Variants in DIP2A observed in about 807,000 individuals in gnomAD.
DIP2A encodes the protein disco-interacting protein 2 homolog A.
Under a neutral mutation model 177.4 loss-of-function variants are expected in DIP2A, and 85 were observed. The observed-to-expected ratio is 0.48, with a 90% confidence interval of 0.40 to 0.57. DIP2A has a LOEUF of 0.57. Ranked by LOEUF, DIP2A falls within the 20% of genes least tolerant of loss-of-function variation. The pLI is 0.00. For missense variants in DIP2A, 1,791 were observed against 2,100.2 expected, an observed-to-expected ratio of 0.85 and a Z score of 2.88; for synonymous variants, 886 against 881.8, an observed-to-expected ratio of 1.00 and a Z score of -0.08.
At chr21:46,466,145 T>C (rs1467222445) in intron 1 of DIP2A, among the ~76,000 whole-genome samples, 1 of 152,206 alleles carries the variant, frequency 6.6e-6, no homozygotes. Flanking sequence ...AATGAGTATT[T>C]GATATTATAT....
At chr21:46,538,456 GAT>G in intron 15 of DIP2A, 25 bp from the exon 16 acceptor site, 1 of 1,539,460 alleles carries the variant, frequency 6.5e-7, no homozygotes, top group Non-Finnish European at 8.7e-7. Context: ...GTGACGCAGG[GAT>G]GTCTGTGCCA....
chr21:46,571,199 C>A (rs1304452438), downstream of DIP2A, among the ~76,000 whole-genome samples: 2 of 152,182 alleles, frequency 1.3e-5, no homozygotes, highest in African/African-American at 4.8e-5. Flanking sequence ...TTGCACACTC[C>A]TTATAAGAAT....
chr21:46,503,571 T>TCTTCCTTCCTTCCTTCCTTC (rs911345370), intron 5 of DIP2A, among the ~76,000 whole-genome samples: 5 of 83,760 alleles, frequency 6.0e-5, no homozygotes, highest in East Asian at 4.0e-4. Context: ...TGAGGGAATT[T>TCTTCCTTCCTTCCTTCCTTC]CTTCCTTCCT....
intron 2 of DIP2A, among the ~76,000 whole-genome samples, chr21:46,490,147 G>T (rs2056925756): frequency 6.6e-6 from 1 of 152,204 alleles, no homozygotes; most frequent in African/African-American, 2.4e-5. Context: ...GAGGGCTACT[G>T]GTGGACCCCA....
At chr21:46,472,255 C>T (rs1601365686) in intron 1 of DIP2A, among the ~76,000 whole-genome samples, 1 of 152,212 alleles carries the variant, frequency 6.6e-6, no homozygotes, top group East Asian at 1.9e-4. Context: ...AATGAACCCT[C>T]TGGCACCTTG....
intron 8 of DIP2A, among the ~76,000 whole-genome samples, chr21:46,514,467 G>C (rs2058458669): frequency 6.6e-6 from 1 of 151,758 alleles, no homozygotes; most frequent in African/African-American, 2.4e-5. Flanking sequence ...TTTGTATCCA[G>C]TTATCTCACT....
chr21:46,567,660 C>A lies in DIP2A; in HGVS notation c.*38C>A. ...GGCCCAGGTGCCGGAGATGAATGAGCCCCAGCAGTCCAAGGTGTGATGTGG... is the reference window on the plus strand; with the variant it reads ...GGCCCAGGTGCCGGAGATGAATGAGACCCAGCAGTCCAAGGTGTGATGTGG... On this transcript the variant is annotated 3_prime_UTR_variant, in exon 38 of 38. Coordinates refer to ENST00000417564, the MANE Select transcript of DIP2A (RefSeq NM_015151.4). 6.4e-7 allele frequency: 1 copy of A among 1,550,918 alleles called. No homozygotes were observed. The highest frequency in any genetic ancestry group is 1.9e-5 in the Admixed American group (1 of 53,778).
the DIP2A span, among the ~76,000 whole-genome samples, chr21:46,578,598 A>G: frequency 6.6e-6 from 1 of 152,240 alleles, no homozygotes; most frequent in African/African-American, 2.4e-5. Context: ...TGGATCTGTC[A>G]TAAGTGGCTG....
the DIP2A span, among the ~76,000 whole-genome samples, chr21:46,581,285 C>G: frequency 6.6e-6 from 1 of 152,198 alleles, no homozygotes; most frequent in Non-Finnish European, 1.5e-5. Context: ...TTGTGTTTTT[C>G]AGCTCCATCA....
chr21:46,517,054 C>CTTT lies in DIP2A; in HGVS notation c.1102+5465_1102+5467dup, dbSNP rs71318086. 9.2e-3 allele frequency among the ~76,000 whole-genome samples: 563 copies of CTTT among 60,900 alleles called. 32 individuals are homozygous for CTTT. Among genetic ancestry groups the CTTT allele is most frequent in the East Asian group, 0.016 (24 of 1,506 alleles). The allele number at this position is 60,900 out of a possible 152,430, so 40.0% of individuals were successfully genotyped here. The stretch of plus-strand genomic sequence containing the variant: ...TTGCTCTTGTCTGTGTTTTCTCTCT[C>CTTT]TTTTTTTTTTTTTTTTTTTTTTTTT... On this transcript the variant is annotated intron_variant, in intron 8 of 37. Transcript: ENST00000417564.
Position 46,557,299 on chromosome 21 carries a change from T to A in DIP2A, c.3629+230T>A, listed in dbSNP as rs2060501828. 3.2e-6 allele frequency: 2 copies of A among 628,404 alleles called. No homozygotes were observed. Among genetic ancestry groups the A allele is most frequent in the Non-Finnish European group, 5.4e-6 (2 of 369,044 alleles). 38.9% of individuals were successfully genotyped at this position (628,404 alleles called of 1,614,324 possible). A position where few individuals can be genotyped will look rare whatever the true frequency, so the allele number is the denominator to read the frequency against. ...AGTACTTGGGAAGAATCTGCTTGAT[T>A]CCTTCAAACACTAGAAAGTGGCGAT... On this transcript the variant is annotated intron_variant, in intron 30 of 37. Coordinates refer to ENST00000417564, the MANE Select transcript of DIP2A (RefSeq NM_015151.4). This position sits in a 1 kb window ranked among gnomAD's most constrained non-coding sequence, Gnocchi z 6.0.
At chr21:46,504,173 C>G (rs1018926612) in intron 5 of DIP2A, 188 bp from the exon 6 acceptor site, 20 of 709,602 alleles carry the variant, frequency 2.8e-5, no homozygotes, top group Non-Finnish European at 4.3e-5. Context: ...GTCTGCATAA[C>G]GTGTCTGGGA....
intron 5 of DIP2A, among the ~76,000 whole-genome samples, chr21:46,500,853 T>A (rs1683240115): frequency 6.6e-6 from 1 of 152,234 alleles, no homozygotes; most frequent in Non-Finnish European, 1.5e-5. Context: ...TGTAGGTTTA[T>A]TACCTATGTT....
intron 8 of DIP2A, among the ~76,000 whole-genome samples, chr21:46,519,914 G>GCT (rs1203635434): frequency 8.7e-6 from 1 of 115,600 alleles, no homozygotes. Flanking sequence ...TTGCTCTGCT[G>GCT]CTCAGGCTGG....
intron 8 of DIP2A, among the ~76,000 whole-genome samples, chr21:46,519,488 T>C (rs1239849175): frequency 6.6e-6 from 1 of 152,208 alleles, no homozygotes; most frequent in Non-Finnish European, 1.5e-5. Flanking sequence ...AGATTCATCT[T>C]CTATAACTTC....
At chr21:46,579,412 C>G in the DIP2A span, among the ~76,000 whole-genome samples, 1 of 149,066 alleles carries the variant, frequency 6.7e-6, no homozygotes, top group Non-Finnish European at 1.5e-5. Flanking sequence ...CTCCTGGATT[C>G]GTTGATTTTT....
rs1276548612 is a variant in DIP2A at position 46,569,705 on chromosome 21, G to A, written c.*2083G>A. On this transcript the variant is annotated 3_prime_UTR_variant, in exon 38 of 38. Transcript: ENST00000417564. ...TATGTTAATAAAAGTTATTGACTTTGTAATTCTGCATTTTGAAATGTGTGA... is the reference window on the plus strand; with the variant it reads ...TATGTTAATAAAAGTTATTGACTTTATAATTCTGCATTTTGAAATGTGTGA... 1 of 152,130 alleles carries A rather than the reference G, an allele frequency of 6.6e-6. No individual in the cohort carries two copies. Among genetic ancestry groups the A allele is most frequent in the East Asian group, 1.9e-4 (1 of 5,190 alleles). The allele number at this position is 152,130 out of a possible 1,614,324, so 9.4% of individuals were successfully genotyped here.
At position 46,546,966 on chromosome 21, in the gene DIP2A, G is replaced by C. The variant is rs755166463; in HGVS notation, c.2446G>C (p.Val816Leu). The C allele has an allele frequency of 1.4e-5, 22 of 1,613,884 alleles. No homozygotes were observed. In the African/African-American group the frequency reaches 2.9e-4, roughly 22 times the overall value. The stretch of plus-strand genomic sequence containing the variant: ...ACTGGACGGGCTGATGGTCACTGGA[G>C]TTCGCAGACACAATGCAGATGACGT... Reference protein sequence around the residue: ...GKLDGLMVTGVRRHNADDVVA... With the variant: ...GKLDGLMVTGLRRHNADDVVA... Residue 816 changes from valine to leucine, a missense_variant, in exon 21 of 38, where the codon GTT becomes CTT. Transcript: ENST00000417564.
chr21:46,465,902 A>G (rs2054784079), intron 1 of DIP2A, among the ~76,000 whole-genome samples: 1 of 152,160 alleles, frequency 6.6e-6, no homozygotes, highest in Admixed American at 6.5e-5. Context: ...GTGAAATGCC[A>G]TTTTTGCTTG....
Sources: gnomAD v4.1 joint callset for allele counts (sites outside exome capture counted in the v4.1 genomes callset) on GRCh38, gnomAD v4.1.1 for gene constraint, Gnocchi (gnomAD v3.1) non-coding constraint, MANE v1.5 for transcripts, NCBI Gene and HGNC (gene_info 2026-07-23, HGNC 2026-07-21) for gene names.